KCNIP1: variants seen among roughly 807,000 people sequenced by gnomAD.
KCNIP1 encodes the protein A-type potassium channel modulatory protein KCNIP1.
Under a neutral mutation model 33.0 loss-of-function variants are expected in KCNIP1, and 18 were observed. The ratio of observed to expected loss-of-function variants is 0.55; its 90% CI spans 0.38 to 0.81. KCNIP1 has a LOEUF of 0.81. Ranked by LOEUF, KCNIP1 falls within the 30% of genes least tolerant of loss-of-function variation. KCNIP1 has a pLI of 0.00. For missense variants in KCNIP1, 238 were observed against 271.6 expected, an observed-to-expected ratio of 0.88 and a Z score of 0.87; for synonymous variants, 93 against 98.3, an observed-to-expected ratio of 0.95 and a Z score of 0.32.
At chr5:170,587,614 C>T (rs575768241) in intron 1 of KCNIP1, among the ~76,000 whole-genome samples, 17 of 152,156 alleles carry the variant, frequency 1.1e-4, no homozygotes, top group East Asian at 1.9e-4. Flanking sequence ...CCTTGTCTCA[C>T]GGCCCCTTCC....
chr5:170,398,556 G>T (rs944535357), intron 1 of KCNIP1, among the ~76,000 whole-genome samples: 2 of 152,184 alleles, frequency 1.3e-5, no homozygotes, highest in African/African-American at 4.8e-5. Flanking sequence ...TAGATTACTA[G>T]CAAGATTGTA....
intron 1 of KCNIP1, chr5:170,420,395 C>T (rs1222361925): frequency 1.3e-5 from 2 of 152,070 alleles, no homozygotes; most frequent in Admixed American, 1.3e-4. Context: ...GCCTCATTTA[C>T]TGTAAGAATA....
intron 1 of KCNIP1, among the ~76,000 whole-genome samples, chr5:170,589,733 G>A (rs375337295): frequency 0.03 from 2,714 of 91,890 alleles, 98 homozygotes; most frequent in African/African-American, 0.14. Context: ...ATGTGGTGTG[G>A]TGTGGTGTGG....
chr5:170,514,977 T>C lies in KCNIP1; in HGVS notation c.61+10344T>C, dbSNP rs939641606. On this transcript the variant is annotated intron_variant, in intron 1 of 7. Coordinates refer to ENST00000328939, the MANE Select transcript of KCNIP1 (RefSeq NM_014592.4). ...CCCTATGTGGTAGGTAGTGTGATTA[T>C]TCCCATGTAACAGATGAAATCTCAC... Among the ~76,000 whole-genome samples the C allele has an allele frequency of 3.3e-5, 5 of 152,230 alleles. No individual in the cohort carries two copies. In the South Asian group the frequency reaches 1.0e-3, roughly 31 times the overall value.
At chr5:170,440,847 G>T (rs187404830) in intron 1 of KCNIP1, among the ~76,000 whole-genome samples, 5 of 152,256 alleles carry the variant, frequency 3.3e-5, no homozygotes, top group Non-Finnish European at 7.4e-5. Flanking sequence ...AAAGTGGAGG[G>T]TATGTCCTTG....
chr5:170,591,797 A>C (rs1460226229), intron 1 of KCNIP1, among the ~76,000 whole-genome samples: 1 of 152,128 alleles, frequency 6.6e-6, no homozygotes, highest in East Asian at 1.9e-4. Context: ...AAGCTGAATA[A>C]TTTTTCATTA....
chr5:170,399,739 G>T (rs566697832), intron 1 of KCNIP1, among the ~76,000 whole-genome samples: 118 of 152,144 alleles, frequency 7.8e-4, no homozygotes, highest in Middle Eastern at 3.4e-3. Context: ...GTACTTCATG[G>T]CCCTATAATA....
At chr5:170,364,625 C>T (rs1361822122) in intron 1 of KCNIP1, among the ~76,000 whole-genome samples, 1 of 152,130 alleles carries the variant, frequency 6.6e-6, no homozygotes, top group Non-Finnish European at 1.5e-5. Flanking sequence ...AGGCTCTCTC[C>T]CTCAATTCAT....
At chr5:170,592,103 A>G (rs1394707328) in intron 1 of KCNIP1, among the ~76,000 whole-genome samples, 1 of 152,048 alleles carries the variant, frequency 6.6e-6, no homozygotes. Context: ...ATCCTCACCA[A>G]CACTTGTTAT....
chr5:170,642,551 A>G (rs894707995), intron 1 of KCNIP1, among the ~76,000 whole-genome samples: 1 of 152,162 alleles, frequency 6.6e-6, no homozygotes, highest in Non-Finnish European at 1.5e-5. Context: ...CATCGTCACC[A>G]TCGCCAAAGC....
At chr5:170,590,941 C>A (rs915777812) in intron 1 of KCNIP1, among the ~76,000 whole-genome samples, 4 of 152,144 alleles carry the variant, frequency 2.6e-5, no homozygotes, top group African/African-American at 9.7e-5. Context: ...ATGGGGCAGG[C>A]CTGGAAGTGA....
chr5:170,383,771 G>C (rs144383468), intron 1 of KCNIP1: 1 of 1,614,086 alleles, frequency 6.2e-7, no homozygotes, highest in Non-Finnish European at 8.5e-7. Flanking sequence ...GGGTACTGGG[G>C]CACCTTCTTG....
At chr5:170,370,260 A>G (rs1763809486) in intron 1 of KCNIP1, among the ~76,000 whole-genome samples, 1 of 152,226 alleles carries the variant, frequency 6.6e-6, no homozygotes, top group African/African-American at 2.4e-5. Flanking sequence ...AAGAGAGAAC[A>G]GACATTTGTG....
At chr5:170,677,771 G>A (rs1762199981) in intron 1 of KCNIP1, among the ~76,000 whole-genome samples, 1 of 151,782 alleles carries the variant, frequency 6.6e-6, no homozygotes. Context: ...CTCACCTAGA[G>A]AAACCTTTTC....
intron 1 of KCNIP1, among the ~76,000 whole-genome samples, chr5:170,619,970 C>G (rs1220482847): frequency 6.6e-6 from 1 of 152,134 alleles, no homozygotes; most frequent in Non-Finnish European, 1.5e-5. Flanking sequence ...AGCCAGAAAC[C>G]CTTCAGAAGA....
chr5:170,623,517 A>ACCCCTGT (rs1759693473), intron 1 of KCNIP1, among the ~76,000 whole-genome samples: 1 of 151,786 alleles, frequency 6.6e-6, no homozygotes, highest in Admixed American at 6.6e-5. Flanking sequence ...CTGCCCGGGG[A>ACCCCTGT]CCCCTGTCTT....
intron 1 of KCNIP1, among the ~76,000 whole-genome samples, chr5:170,454,101 G>C (rs955024926): frequency 3.3e-5 from 5 of 152,232 alleles, no homozygotes; most frequent in African/African-American, 1.2e-4. Flanking sequence ...AAGAAGGTTA[G>C]CTAGCTCCAG....
At chr5:170,677,258 C>G (rs937499282) in intron 1 of KCNIP1, among the ~76,000 whole-genome samples, 4 of 152,196 alleles carry the variant, frequency 2.6e-5, no homozygotes, top group African/African-American at 4.8e-5. Context: ...AGTAACTCAT[C>G]ATAGTCACAG....
chr5:170,523,479 G>C (rs996258670), intron 1 of KCNIP1, among the ~76,000 whole-genome samples: 1 of 152,154 alleles, frequency 6.6e-6, no homozygotes, highest in African/African-American at 2.4e-5. Flanking sequence ...TCTCAGAGTC[G>C]ACTTTGAAAG....
Sources: allele counts gnomAD v4.1 joint callset (sites outside exome capture counted in the v4.1 genomes callset), GRCh38; gene constraint gnomAD v4.1.1; transcripts MANE v1.5; gene names NCBI Gene and HGNC (gene_info 2026-07-23, HGNC 2026-07-21).